The following RAB20 variants were observed in gnomAD, a reference collection of about 807,000 sequenced individuals.
RAB20 encodes the protein ras-related protein Rab-20.
RAB20 carries 2 observed loss-of-function variants against 3.7 expected under a neutral mutation model. The ratio of observed to expected loss-of-function variants is 0.54; its 90% confidence interval spans 0.22 to 1.69. The LOEUF (loss-of-function observed/expected upper bound fraction) is 1.69. RAB20 is among the 40% of genes most tolerant of loss of function. The probability of loss-of-function intolerance (pLI) is 0.19; values close to 1 mark genes in which losing one functional copy is unlikely to be tolerated. For synonymous variants in RAB20, 126 were observed against 130.8 expected (o/e 0.96, Z 0.25); for missense variants, 276 against 311.9 (o/e 0.88, Z 0.87).
Position 110,547,069 on chromosome 13 carries a change from A to G in RAB20, c.172+14279T>C, listed in dbSNP as rs148496559. Among the ~76,000 whole-genome samples, 336 of 152,286 alleles carry G rather than the reference A, an allele frequency of 2.2e-3. 2 individuals are homozygous for G. Among genetic ancestry groups the G allele is most frequent in the African/African-American group, 7.7e-3 (318 of 41,558 alleles). ...TGAACTTCTGTACCACAAACAATAG[A>G]AAGTGTTCCTCCTTCTCAAGGACTC... On this transcript the variant is annotated intron_variant, in intron 1 of 1. Transcript: ENST00000267328.
chr13:110,561,234 T>C (rs929277847), intron 1 of RAB20, 114 bp downstream of exon 1: 1 of 1,309,788 alleles, frequency 7.6e-7, no homozygotes, highest in African/African-American at 1.6e-5. Flanking sequence ...GAAGGAGGCA[T>C]TTGCTGTCCG....
intron 1 of RAB20, among the ~76,000 whole-genome samples, chr13:110,535,683 G>A (rs533868087): frequency 2.6e-5 from 4 of 152,316 alleles, no homozygotes; most frequent in East Asian, 3.9e-4. Flanking sequence ...GTGAAGCACC[G>A]CACACACCCG....
chr13:110,554,726 A>C (rs1885010736), intron 1 of RAB20, among the ~76,000 whole-genome samples: 1 of 152,220 alleles, frequency 6.6e-6, no homozygotes, highest in Admixed American at 6.5e-5. Flanking sequence ...GGGGCTTAGG[A>C]AAGAGCCTGC....
intron 1 of RAB20, among the ~76,000 whole-genome samples, chr13:110,551,608 G>C (rs989242020): frequency 1.3e-5 from 2 of 152,192 alleles, no homozygotes; most frequent in South Asian, 4.1e-4. Context: ...GCCAGCGTTC[G>C]CGGCCAGCTG....
intron 1 of RAB20, among the ~76,000 whole-genome samples, chr13:110,531,356 T>G (rs993497499): frequency 6.6e-6 from 1 of 152,226 alleles, no homozygotes; most frequent in East Asian, 1.9e-4. Context: ...TGCAGCCACC[T>G]TCCCAGGAGC....
At chr13:110,548,026 T>C (rs558046647) in intron 1 of RAB20, among the ~76,000 whole-genome samples, 1 of 152,338 alleles carries the variant, frequency 6.6e-6, no homozygotes, top group Admixed American at 6.5e-5. Flanking sequence ...AGCAACTCCT[T>C]ATGCCGTCAA....
chr13:110,536,370 T>C (rs1884639004), intron 1 of RAB20, among the ~76,000 whole-genome samples: 1 of 152,152 alleles, frequency 6.6e-6, no homozygotes, highest in Non-Finnish European at 1.5e-5. Context: ...GGGCGGCAGG[T>C]GGATGGCCTC....
chr13:110,533,049 C>G (rs1012768096), intron 1 of RAB20, among the ~76,000 whole-genome samples: 1 of 152,156 alleles, frequency 6.6e-6, no homozygotes, highest in African/African-American at 2.4e-5. Flanking sequence ...AGGGAGCTCA[C>G]AAAACATCGA....
In RAB20 at chr13:110,536,987, T is replaced by C. The variant is rs923756200; in HGVS notation, c.173-12790A>G. Among the ~76,000 whole-genome samples the C allele has an allele frequency of 7.1e-4, 43 of 60,526 alleles. 1 individual carries two copies. The highest frequency in any genetic ancestry group is 2.1e-3 in the South Asian group (4 of 1,872). 39.7% of individuals were successfully genotyped at this position (60,526 alleles called of 152,430 possible). ...ATGTTCCCCTTCCTGTGTCCAAGTG[T>C]TTTTTTTTGTGTGAGACAGGGTCTC... On this transcript the variant is annotated intron_variant, in intron 1 of 1. Coordinates refer to ENST00000267328, the MANE Select transcript of RAB20 (RefSeq NM_017817.3).
chr13:110,527,900 T>TACACACAC (rs61582404), intron 1 of RAB20, among the ~76,000 whole-genome samples: 1,606 of 138,168 alleles, frequency 0.012, 20 homozygotes, highest in African/African-American at 0.015. Flanking sequence ...TCTCTACAAA[T>TACACACAC]ACACACACAC....
intron 1 of RAB20, among the ~76,000 whole-genome samples, chr13:110,538,238 CAAAA>C (rs570075617): frequency 5.1e-5 from 4 of 78,524 alleles, no homozygotes; most frequent in Non-Finnish European, 7.5e-5. Context: ...GACCTTGTCT[CAAAA>C]AAAAAAAAAA....
chr13:110,527,042 G>A (rs1047250067), intron 1 of RAB20, among the ~76,000 whole-genome samples: 3 of 152,132 alleles, frequency 2.0e-5, no homozygotes, highest in Non-Finnish European at 4.4e-5. Context: ...TGGACTGAAC[G>A]CATGACACCT....
chr13:110,545,962 G>C (rs1171884498), intron 1 of RAB20, among the ~76,000 whole-genome samples: 1 of 152,126 alleles, frequency 6.6e-6, no homozygotes, highest in Non-Finnish European at 1.5e-5. Context: ...GGATCCTGTA[G>C]TCTTCACCCA....
In RAB20 at chr13:110,555,170, A is replaced by G. The variant is rs1361971255; in HGVS notation, c.172+6178T>C. ...CAGGGACCCACATACAGTGGCAATT[A>G]CTGTAAGTGTTGGAAGCACGAGTTT... On this transcript the variant is annotated intron_variant, in intron 1 of 1. Coordinates refer to ENST00000267328, the MANE Select transcript of RAB20 (RefSeq NM_017817.3). This position sits in a 1 kb window ranked among gnomAD's most constrained non-coding sequence, Gnocchi z 4.0. 1.3e-5 allele frequency among the ~76,000 whole-genome samples: 2 copies of G among 152,132 alleles called. No homozygotes were observed. Among genetic ancestry groups the G allele is most frequent in the African/African-American group, 2.4e-5 (1 of 41,424 alleles).
Position 110,523,941 on chromosome 13 carries a change from T to A in RAB20, c.429A>T (p.Pro143=), listed in dbSNP as rs779416362. ...CCAGCTGCACCTGCTTAGGTGCCCT[T>A]GGGGAGACACGGTCCCCAGCGTCCA... ...PNMDAGDRVS[P]RAPKQVQLED... The change falls in exon 2 of 2, where the codon CCA becomes CCT. Residue 143 remains proline (P), a synonymous_variant. Transcript: ENST00000267328. 1 of 1,614,134 alleles carries A rather than the reference T, an allele frequency of 6.2e-7. No homozygotes were observed. The highest frequency in any genetic ancestry group is 1.1e-5 in the South Asian group (1 of 91,072).
At chr13:110,546,116 T>G (rs1376720263) in intron 1 of RAB20, among the ~76,000 whole-genome samples, 5 of 152,208 alleles carry the variant, frequency 3.3e-5, no homozygotes, top group Admixed American at 3.3e-4. Context: ...CTCAGCCATT[T>G]AATCCTTATC....
At chr13:110,558,143 C>T (rs559040406) in intron 1 of RAB20, among the ~76,000 whole-genome samples, 3 of 152,324 alleles carry the variant, frequency 2.0e-5, no homozygotes, top group East Asian at 3.9e-4. Context: ...CCTGAGCAAC[C>T]GGGCAACACA....
chr13:110,554,748 A>C (rs1399799664), intron 1 of RAB20, among the ~76,000 whole-genome samples: 1 of 152,246 alleles, frequency 6.6e-6, no homozygotes, highest in Non-Finnish European at 1.5e-5. Flanking sequence ...TGAGCGAAGC[A>C]GCATCTTCAT....
chr13:110,536,289 G>A (rs887921929), intron 1 of RAB20, among the ~76,000 whole-genome samples: 2 of 152,196 alleles, frequency 1.3e-5, no homozygotes, highest in Non-Finnish European at 2.9e-5. Context: ...GGGAGAGGAT[G>A]AGCTTCTGCT....
Sources: gnomAD v4.1 joint callset for allele counts (sites outside exome capture counted in the v4.1 genomes callset) on GRCh38, gnomAD v4.1.1 for gene constraint, Gnocchi (gnomAD v3.1) non-coding constraint, MANE v1.5 for transcripts, NCBI Gene and HGNC (gene_info 2026-07-23, HGNC 2026-07-21) for gene names.